LRRC4C: variants seen among roughly 807,000 people sequenced by gnomAD.
LRRC4C encodes the protein leucine rich repeat containing 4C.
A neutral mutation model predicts 33.6 loss-of-function variants in LRRC4C; 5 were observed. That is an observed-to-expected ratio of 0.15 (90% CI 0.08 to 0.31). The LOEUF (loss-of-function observed/expected upper bound fraction) is 0.31, where lower values mean the gene tolerates loss of function less well. Ranked by LOEUF, LRRC4C falls within the 10% of genes least tolerant of loss-of-function variation. The pLI, the probability that LRRC4C is intolerant of heterozygous loss-of-function variation, is 1.00. For synonymous variants in LRRC4C, 329 were observed against 302.0 expected (o/e 1.09, Z -0.93); for missense variants, 560 against 796.7 (o/e 0.70, Z 3.58).
intron 1 of LRRC4C, among the ~76,000 whole-genome samples, chr11:41,315,803 G>C (rs1950769549): frequency 6.6e-6 from 1 of 152,274 alleles, no homozygotes; most frequent in African/African-American, 2.4e-5. Flanking sequence ...TAGTCATTGT[G>C]AGATTTAGAG....
At chr11:40,690,572 T>C (rs907872798) in intron 2 of LRRC4C, among the ~76,000 whole-genome samples, 2 of 152,068 alleles carry the variant, frequency 1.3e-5, no homozygotes, top group African/African-American at 4.8e-5. Flanking sequence ...GCATATTCAG[T>C]CTCTTAGAAC....
chr11:40,243,726 G>A (rs1366965090), intron 4 of LRRC4C, among the ~76,000 whole-genome samples: 1 of 117,160 alleles, frequency 8.5e-6, no homozygotes, highest in Non-Finnish European at 1.6e-5. Context: ...GTCTCACTCT[G>A]TCTCCCAGGC....
At chr11:41,303,979 C>A (rs1343604798) in intron 1 of LRRC4C, among the ~76,000 whole-genome samples, 1 of 86,590 alleles carries the variant, frequency 1.2e-5, no homozygotes, top group South Asian at 4.3e-4. Context: ...GGCAGCCACC[C>A]CGTCCGGGAG....
chr11:40,707,747 C>T (rs181290721), intron 2 of LRRC4C, among the ~76,000 whole-genome samples: 35 of 152,272 alleles, frequency 2.3e-4, no homozygotes, highest in Middle Eastern at 3.4e-3. Flanking sequence ...GGAGGATTCC[C>T]TCTTTTTCTA....
At chr11:41,099,513 C>A (rs1941031961) in intron 1 of LRRC4C, among the ~76,000 whole-genome samples, 1 of 152,100 alleles carries the variant, frequency 6.6e-6, no homozygotes, top group African/African-American at 2.4e-5. Context: ...TAGGTTTTAT[C>A]TCTGGGATGA....
At position 40,210,198 on chromosome 11, in the gene LRRC4C, G is replaced by A. The variant is rs375307831; in HGVS notation, c.-96+31321C>T. On this transcript the variant is annotated intron_variant, in intron 5 of 6. Transcript: ENST00000528697. ...CAGGAGAATGGCATGAACCCAGGAG[G>A]CGGAGCTTGCAGTGAGCCAAGATCG... Among the ~76,000 whole-genome samples the A allele has an allele frequency of 4.4e-4, 67 of 151,926 alleles. 1 individual carries two copies. Among genetic ancestry groups the A allele is most frequent in the Middle Eastern group, 3.4e-3 (1 of 294 alleles).
chr11:40,546,300 A>G (rs1316834333), intron 3 of LRRC4C, among the ~76,000 whole-genome samples: 2 of 152,048 alleles, frequency 1.3e-5, no homozygotes, highest in Admixed American at 6.6e-5. Context: ...GATGATATTA[A>G]TGATAATAGC....
intron 2 of LRRC4C, among the ~76,000 whole-genome samples, chr11:40,696,348 T>C (rs866047403): frequency 6.8e-6 from 1 of 146,562 alleles, no homozygotes; most frequent in Non-Finnish European, 1.5e-5. Flanking sequence ...ATGGTGTATA[T>C]ATATGTGGTA....
intron 2 of LRRC4C, among the ~76,000 whole-genome samples, chr11:40,887,070 T>C (rs1370889183): frequency 6.6e-6 from 1 of 151,510 alleles, no homozygotes; most frequent in African/African-American, 2.4e-5. Context: ...ACCAAGTCTT[T>C]ACTTAGAATA....
chr11:40,547,609 A>C (rs937991807), intron 3 of LRRC4C, among the ~76,000 whole-genome samples: 7 of 152,108 alleles, frequency 4.6e-5, no homozygotes, highest in African/African-American at 1.7e-4. Flanking sequence ...AAGATGAAAC[A>C]CATCATGGCC....
chr11:40,442,162 CAAAAAAAAAAAAA>C (rs1158464665), intron 3 of LRRC4C, among the ~76,000 whole-genome samples: 9 of 56,200 alleles, frequency 1.6e-4, no homozygotes, highest in South Asian at 1.0e-3. Context: ...GACTCCATTT[CAAAAAAAAAAAAA>C]AAAAAAAAAA....
At chr11:41,252,577 ACT>A (rs1257410716) in intron 1 of LRRC4C, among the ~76,000 whole-genome samples, 1 of 152,104 alleles carries the variant, frequency 6.6e-6, no homozygotes, top group East Asian at 1.9e-4. Flanking sequence ...TTTTCTACTG[ACT>A]CTGTTTTTGT....
intron 3 of LRRC4C, among the ~76,000 whole-genome samples, chr11:40,604,997 T>C (rs1960417919): frequency 6.6e-6 from 1 of 152,134 alleles, no homozygotes; most frequent in African/African-American, 2.4e-5. Flanking sequence ...TCCTTTCTAT[T>C]GTATGATTAT....
At chr11:41,328,236 A>C (rs992241155) in intron 1 of LRRC4C, among the ~76,000 whole-genome samples, 1 of 152,210 alleles carries the variant, frequency 6.6e-6, no homozygotes, top group African/African-American at 2.4e-5. Context: ...GTGGAAGAAC[A>C]CACTGCAAAG....
chr11:40,790,948 A>G (rs944606659), intron 2 of LRRC4C, among the ~76,000 whole-genome samples: 6 of 152,212 alleles, frequency 3.9e-5, no homozygotes, highest in Admixed American at 2.6e-4. Flanking sequence ...GATACTCCTT[A>G]GAATTGCAGG....
At chr11:41,246,885 T>C (rs1948472187) in intron 1 of LRRC4C, among the ~76,000 whole-genome samples, 1 of 152,210 alleles carries the variant, frequency 6.6e-6, no homozygotes, top group Non-Finnish European at 1.5e-5. Context: ...TTCATTCGGG[T>C]AGAGAAATTC....
intron 3 of LRRC4C, among the ~76,000 whole-genome samples, chr11:40,452,624 G>A (rs1158753307): frequency 1.3e-5 from 2 of 152,118 alleles, no homozygotes; most frequent in Admixed American, 6.5e-5. Context: ...TCAGTGTGTC[G>A]ATTCCTCAGG....
intron 3 of LRRC4C, among the ~76,000 whole-genome samples, chr11:40,475,305 G>A (rs1953156309): frequency 6.6e-6 from 1 of 152,068 alleles, no homozygotes; most frequent in Non-Finnish European, 1.5e-5. Flanking sequence ...TTTGCAGGGA[G>A]ATGGATGAAG....
intron 3 of LRRC4C, among the ~76,000 whole-genome samples, chr11:40,366,588 C>A (rs567940859): frequency 6.6e-6 from 1 of 151,882 alleles, no homozygotes; most frequent in Non-Finnish European, 1.5e-5. Flanking sequence ...ATATAACATA[C>A]GTGTATATAT....
Sources: gnomAD v4.1 joint callset for allele counts (sites outside exome capture counted in the v4.1 genomes callset) on GRCh38, gnomAD v4.1.1 for gene constraint, MANE v1.5 for transcripts, NCBI Gene and HGNC (gene_info 2026-07-23, HGNC 2026-07-21) for gene names.